The following PCM1 variants were observed in gnomAD, a reference collection of about 807,000 sequenced individuals.
PCM1 encodes the protein pericentriolar material 1.
PCM1 carries 157 observed loss-of-function variants against 241.9 expected under a neutral mutation model. That is an observed-to-expected ratio of 0.65 (90% CI 0.57 to 0.74). The LOEUF (loss-of-function observed/expected upper bound fraction) is 0.74, where lower values mean the gene tolerates loss of function less well. Among genes scored for constraint, PCM1 ranks in the 30% least tolerant of loss-of-function variants. The pLI is 0.00. For missense variants in PCM1, 3,478 were observed against 2,360.1 expected, an observed-to-expected ratio of 1.47 and a Z score of -9.81; for synonymous variants, 1,085 against 784.9, an observed-to-expected ratio of 1.38 and a Z score of -6.39.
intron 2 of PCM1, among the ~76,000 whole-genome samples, chr8:17,929,869 A>G (rs955743399): frequency 1.1e-4 from 17 of 152,220 alleles, no homozygotes; most frequent in Admixed American, 2.6e-4. Context: ...CAGAATAGTC[A>G]CAACAGTATA....
At chr8:17,955,129 CGTTA>C (rs1316599806) in intron 9 of PCM1, among the ~76,000 whole-genome samples, 2 of 152,064 alleles carry the variant, frequency 1.3e-5, no homozygotes, top group Non-Finnish European at 2.9e-5. Flanking sequence ...CAAGTTTACT[CGTTA>C]GTTAAAACTA....
At chr8:18,021,201 T>A (rs1452587328) in intron 36 of PCM1, among the ~76,000 whole-genome samples, 1 of 152,216 alleles carries the variant, frequency 6.6e-6, no homozygotes, top group African/African-American at 2.4e-5. Context: ...GACAGCCAGC[T>A]GGTCCTTCCT....
rs370441415 is a variant in PCM1, at chr8:18,011,292, G to C, written c.5276G>C (p.Gly1759Ala). 1.2e-6 allele frequency: 2 copies of C among 1,607,574 alleles called. No homozygotes were observed. Among genetic ancestry groups the C allele is most frequent in the Non-Finnish European group, 1.7e-6 (2 of 1,176,852 alleles). ...ACTCAAACATCTGAGGTGTATGATGGTCCCAAAAATGTAAGATCTGATATT... is the reference window on the plus strand; with the variant it reads ...ACTCAAACATCTGAGGTGTATGATGCTCCCAAAAATGTAAGATCTGATATT... ...KQTQTSEVYD[G>A]PKNVRSDISD... The change falls in exon 33 of 39, where the codon GGT becomes GCT. Residue 1759 changes from glycine (G) to alanine (A), a missense_variant. Gly to Ala is a moderately conservative substitution (Grantham distance 60). Transcript: ENST00000325083.
Position 18,027,772 on chromosome 8 carries a change from G to A in PCM1, c.*110G>A. On this transcript the variant is annotated 3_prime_UTR_variant, in exon 39 of 39. Transcript: ENST00000325083. ...TAAAAATGTAAATTAGTTTGACACT[G>A]CTTTTTTGATAGGTGTGGTCATTTC... 1.5e-6 allele frequency: 1 copy of A among 688,324 alleles called. No homozygotes were observed. Among genetic ancestry groups the A allele is most frequent in the Non-Finnish European group, 2.3e-6 (1 of 429,592 alleles). 42.6% of individuals were successfully genotyped at this position (688,324 alleles called of 1,614,324 possible). A position where few individuals can be genotyped will look rare whatever the true frequency, so the allele number is the denominator to read the frequency against.
At position 17,992,207 on chromosome 8, in the gene PCM1, A is replaced by T. The variant is rs139309422; in HGVS notation, c.4690+507A>T. Among the ~76,000 whole-genome samples the T allele has an allele frequency of 5.9e-3, 903 of 152,306 alleles. 8 individuals carry two copies. Among genetic ancestry groups the T allele is most frequent in the African/African-American group, 0.021 (866 of 41,566 alleles). Reference sequence around the variant, plus strand: ...GCAGATTGTGCTGCTATAAACATGCACGTGCAAGTATCTTTTTCATATAAT... The same window carrying T: ...GCAGATTGTGCTGCTATAAACATGCTCGTGCAAGTATCTTTTTCATATAAT... On this transcript the variant is annotated intron_variant, in intron 28 of 38. Transcript: ENST00000325083.
chr8:18,008,888 C>G (rs1473897847), intron 30 of PCM1, among the ~76,000 whole-genome samples: 1 of 152,180 alleles, frequency 6.6e-6, no homozygotes, highest in African/African-American at 2.4e-5. Context: ...CACCAACGTT[C>G]AAGTTGCCAG....
chr8:17,943,912 A>C (rs2062986209), intron 6 of PCM1, among the ~76,000 whole-genome samples: 1 of 152,172 alleles, frequency 6.6e-6, no homozygotes, highest in Non-Finnish European at 1.5e-5. Flanking sequence ...CTTGAGACTT[A>C]ACGCATGATA....
At chr8:17,976,859 A>G (rs146354902) in intron 23 of PCM1, among the ~76,000 whole-genome samples, 49 of 152,198 alleles carry the variant, frequency 3.2e-4, no homozygotes, top group African/African-American at 1.2e-3. Context: ...GGACTCATAT[A>G]TAAAACCAGT....
rs778996991 is a variant in PCM1, at chr8:18,025,566, TAGA to T, written c.5965_5967del (p.Glu1989del). 105 of 1,580,746 alleles carry T rather than the reference TAGA, an allele frequency of 6.6e-5. No homozygotes were observed. Among genetic ancestry groups the T allele is most frequent in the Middle Eastern group, 1.7e-4 (1 of 6,024 alleles). ...AAGGCAGATCTAAGAAAGAAAATGG[TAGA>T]AGAAGAACAGAAAAACCATTTATCT... On this transcript the variant is annotated inframe_deletion, in exon 38 of 39. Transcript: ENST00000325083.
At chr8:17,967,272 G>T in intron 21 of PCM1, 102 bp downstream of exon 21, 3 of 779,768 alleles carry the variant, frequency 3.8e-6, no homozygotes, top group Non-Finnish European at 5.9e-6. Flanking sequence ...TTTGGAGTGG[G>T]GTAGGAAATG....
At chr8:18,025,779 A>C in intron 38 of PCM1, 121 bp downstream of exon 38, 1 of 610,646 alleles carries the variant, frequency 1.6e-6, no homozygotes, top group Non-Finnish European at 2.9e-6. Flanking sequence ...AAATACTAGA[A>C]AGAAAGTGTA....
chr8:17,964,922 AAGTTAAGGGGCTC>A (rs1311118377), intron 18 of PCM1, among the ~76,000 whole-genome samples, 154 bp downstream of exon 18: 1 of 152,028 alleles, frequency 6.6e-6, no homozygotes, highest in Admixed American at 6.6e-5. Flanking sequence ...CAGACCCCTC[AAGTTAAGGGGCTC>A]AGTTCAGTAA....
intron 23 of PCM1, chr8:17,980,185 G>C (rs1000323136): frequency 2.0e-5 from 3 of 153,220 alleles, no homozygotes; most frequent in African/African-American, 4.8e-5. Context: ...TCACATAAAA[G>C]ATAACAATAA....
Position 17,968,204 on chromosome 8 carries a change from A to C in PCM1, c.3412+1034A>C, listed in dbSNP as rs555811817. The stretch of plus-strand genomic sequence containing the variant: ...TCACTCAGGGAATTTAGAGGTATTT[A>C]AGTGTGGCTAGTATTTAGGGGAAGA... On this transcript the variant is annotated intron_variant, in intron 21 of 38. Coordinates refer to ENST00000325083, the MANE Select transcript of PCM1 (RefSeq NM_006197.4). 2.0e-5 allele frequency among the ~76,000 whole-genome samples: 3 copies of C among 152,328 alleles called. No individual in the cohort carries two copies. The South Asian group carries it at 6.2e-4, about 32-fold the overall frequency.
chr8:17,941,458 G>A (rs1174277658), intron 6 of PCM1, among the ~76,000 whole-genome samples: 1 of 151,830 alleles, frequency 6.6e-6, no homozygotes, highest in Admixed American at 6.6e-5. Flanking sequence ...GTAAGCAACA[G>A]TCTAGTCTAC....
intron 23 of PCM1, among the ~76,000 whole-genome samples, chr8:17,974,908 TAGC>T (rs1394900195): frequency 1.3e-5 from 2 of 151,354 alleles, no homozygotes; most frequent in Non-Finnish European, 2.9e-5. Context: ...AAAGGCTTGA[TAGC>T]AGAATCAAAC....
Position 18,025,613 on chromosome 8 carries a change from C to T in PCM1, c.6004C>T (p.Gln2002Ter). The stretch of plus-strand genomic sequence containing the variant: ...TTTATCTGGTGAAATATGTGAAATG[C>T]AGACCGAAGAATTAGCTGGAAATTC... ...NHLSGEICEM[Q>*]TEELAGNSET... is the part of the protein sequence containing the mutation. The change falls in exon 38 of 39, where the codon CAG (glutamine) becomes TAG (stop). Residue 2002 changes from glutamine to a stop codon, truncating the protein, a stop_gained. Coordinates refer to ENST00000325083, the MANE Select transcript of PCM1 (RefSeq NM_006197.4). LOFTEE classifies it high-confidence loss of function. The T allele has an allele frequency of 6.3e-7, 1 of 1,579,166 alleles. No individual in the cohort carries two copies. Among genetic ancestry groups the T allele is most frequent in the Non-Finnish European group, 8.6e-7 (1 of 1,161,456 alleles).
intron 1 of PCM1, among the ~76,000 whole-genome samples, 191 bp from the exon 2 acceptor site, chr8:17,924,522 G>A (rs936410953): frequency 1.3e-5 from 2 of 152,130 alleles, no homozygotes; most frequent in African/African-American, 2.4e-5. Flanking sequence ...GGGGATTTAA[G>A]CATTTATGCA....
chr8:17,963,215 G>C lies in PCM1; in HGVS notation c.2578G>C (p.Ala860Pro). 6.2e-7 allele frequency: 1 copy of C among 1,613,502 alleles called. No homozygotes were observed. The highest frequency in any genetic ancestry group is 1.1e-5 in the South Asian group (1 of 90,990). ...HQRRQGLAET[A>P]SPVAVSLRSD... ...GAGGAGGCAAGGTCTAGCTGAAACT[G>C]CATCTCCAGTGGCTGTGTCATTGAG... Residue 860 changes from alanine to proline, a missense_variant, in exon 17 of 39, where the codon GCA (alanine) becomes CCA (proline). Coordinates refer to ENST00000325083, the MANE Select transcript of PCM1 (RefSeq NM_006197.4).
Sources: gnomAD v4.1 joint callset for allele counts (sites outside exome capture counted in the v4.1 genomes callset) on GRCh38, gnomAD v4.1.1 for gene constraint, MANE v1.5 for transcripts, NCBI Gene and HGNC (gene_info 2026-07-23, HGNC 2026-07-21) for gene names.